The following ETV6 variants were observed in gnomAD, a reference collection of about 807,000 sequenced individuals.
ETV6 encodes the protein ETS variant transcription factor 6.
ETV6 carries 16 observed loss-of-function variants against 51.1 expected under a neutral mutation model. The observed-to-expected ratio is 0.31, with a 90% CI of 0.21 to 0.48. The LOEUF is 0.48. ETV6 is among the 20% of genes least tolerant of loss of function. ETV6 has a pLI of 0.99. For synonymous variants in ETV6, 240 were observed against 224.1 expected (o/e 1.07, Z -0.64); for missense variants, 458 against 594.8 (o/e 0.77, Z 2.39).
chr12:11,884,380 T>A (rs1947155244), intron 5 of ETV6, 65 bp from the exon 6 acceptor site: 1 of 1,564,428 alleles, frequency 6.4e-7, no homozygotes, highest in Non-Finnish European at 8.8e-7. Context: ...CTTTTTTGAT[T>A]CTTCTGGTTA....
chr12:11,661,423 C>T (rs1864098701), intron 1 of ETV6, among the ~76,000 whole-genome samples: 1 of 152,244 alleles, frequency 6.6e-6, no homozygotes, highest in Non-Finnish European at 1.5e-5. Flanking sequence ...CCACTAATGG[C>T]CAGCAATGGC....
At chr12:11,778,199 T>G (rs1472694402) in intron 2 of ETV6, among the ~76,000 whole-genome samples, 1 of 152,208 alleles carries the variant, frequency 6.6e-6, no homozygotes, top group Non-Finnish European at 1.5e-5. Flanking sequence ...ATGCAGTTAT[T>G]GTGAGGTTAC....
chr12:11,850,049 C>T lies in ETV6; in HGVS notation c.329-3378C>T, dbSNP rs576569657. The stretch of plus-strand genomic sequence containing the variant: ...CCTGGGTCTTAGAACTAAGTTTTTT[C>T]GTGACCCAGTACCCAGGACCTCGGG... On this transcript the variant is annotated intron_variant, in intron 3 of 7. Transcript: ENST00000396373. 7.2e-5 allele frequency among the ~76,000 whole-genome samples: 11 copies of T among 152,266 alleles called. No homozygotes were observed. In the East Asian group the frequency reaches 2.1e-3, roughly 29 times the overall value.
intron 2 of ETV6, among the ~76,000 whole-genome samples, chr12:11,761,843 A>ATT (rs1234653164): frequency 6.6e-6 from 1 of 152,234 alleles, no homozygotes; most frequent in East Asian, 1.9e-4. Flanking sequence ...CAATCGTCGC[A>ATT]TTGTTCTCTT....
chr12:11,862,456 C>G (rs1005269179), intron 4 of ETV6, among the ~76,000 whole-genome samples: 1 of 152,192 alleles, frequency 6.6e-6, no homozygotes, highest in South Asian at 2.1e-4. Context: ...TTTATTATCT[C>G]ACTTTTCTGG....
rs953974788 is a variant in ETV6, at chr12:11,667,859, G to A, written c.33+17699G>A. ...TGGGATTACAGGTGCACGCTGCCAC[G>A]CCCAGCTAAATTTTGTATTTTTAGC... On this transcript the variant is annotated intron_variant, in intron 1 of 7. Coordinates refer to ENST00000396373, the MANE Select transcript of ETV6 (RefSeq NM_001987.5). Among the ~76,000 whole-genome samples the A allele has an allele frequency of 4.6e-5, 7 of 151,608 alleles. No individual in the cohort carries two copies. The South Asian group carries it at 6.3e-4, about 14-fold the overall frequency.
chr12:11,716,148 C>T (rs955226388), intron 1 of ETV6, among the ~76,000 whole-genome samples: 4 of 151,652 alleles, frequency 2.6e-5, no homozygotes, highest in African/African-American at 9.7e-5. Context: ...ATCACGAGGT[C>T]GGGAGATCAA....
At position 11,786,136 on chromosome 12, in the gene ETV6, A is replaced by G. The variant is rs551549302; in HGVS notation, c.163+33557A>G. On this transcript the variant is annotated intron_variant, in intron 2 of 7. Coordinates refer to ENST00000396373, the MANE Select transcript of ETV6 (RefSeq NM_001987.5). ...TTTTTAAAATATTCCTTCATTTTCA[A>G]TACTCTTGGGATTATTCCAGGCCTT... Among the ~76,000 whole-genome samples the G allele has an allele frequency of 1.3e-4, 20 of 152,206 alleles. No individual in the cohort carries two copies. In the East Asian group the frequency reaches 1.4e-3, roughly 10 times the overall value.
At chr12:11,888,064 T>C (rs1031357218) in intron 7 of ETV6, among the ~76,000 whole-genome samples, 2 of 152,204 alleles carry the variant, frequency 1.3e-5, no homozygotes, top group African/African-American at 4.8e-5. Context: ...AAGGCTTCCC[T>C]GGCAGTGGAA....
chr12:11,837,229 C>A (rs12300177), intron 2 of ETV6, among the ~76,000 whole-genome samples: 1 of 152,014 alleles, frequency 6.6e-6, no homozygotes, highest in Non-Finnish European at 1.5e-5. Flanking sequence ...GTATTTTATT[C>A]TAAAGATCAT....
At chr12:11,786,419 C>T (rs930671169) in intron 2 of ETV6, among the ~76,000 whole-genome samples, 4 of 151,614 alleles carry the variant, frequency 2.6e-5, no homozygotes, top group South Asian at 4.2e-4. Context: ...GGAAATAGGA[C>T]ATATAATTGA....
chr12:11,760,571 A>G (rs762557528), intron 2 of ETV6, among the ~76,000 whole-genome samples: 3 of 152,194 alleles, frequency 2.0e-5, no homozygotes, highest in Non-Finnish European at 2.9e-5. Flanking sequence ...ACCTAGGACA[A>G]GTTTTAGGGT....
chr12:11,812,408 C>T (rs974687926), intron 2 of ETV6, among the ~76,000 whole-genome samples: 1 of 152,168 alleles, frequency 6.6e-6, no homozygotes, highest in African/African-American at 2.4e-5. Flanking sequence ...AGGAACCCCC[C>T]ACAAATTATA....
chr12:11,748,507 G>C (rs1046712366), intron 1 of ETV6, among the ~76,000 whole-genome samples: 6 of 152,138 alleles, frequency 3.9e-5, no homozygotes, highest in African/African-American at 1.2e-4. Flanking sequence ...CAACCCCTCA[G>C]CCTTTTCAGA....
chr12:11,862,583 C>T (rs1450702047), intron 4 of ETV6, among the ~76,000 whole-genome samples: 1 of 152,210 alleles, frequency 6.6e-6, no homozygotes, highest in Non-Finnish European at 1.5e-5. Context: ...CAAGCTTTGG[C>T]ATTCCTTGCC....
At chr12:11,858,778 T>C (rs1946668863) in intron 4 of ETV6, among the ~76,000 whole-genome samples, 1 of 152,180 alleles carries the variant, frequency 6.6e-6, no homozygotes, top group Non-Finnish European at 1.5e-5. Flanking sequence ...AGGTGGCAGT[T>C]CTGCTCTGGG....
At chr12:11,832,825 T>C (rs1445892377) in intron 2 of ETV6, among the ~76,000 whole-genome samples, 1 of 152,252 alleles carries the variant, frequency 6.6e-6, no homozygotes, top group East Asian at 1.9e-4. Context: ...TGAACAACTC[T>C]TCCCAAAAGG....
chr12:11,696,111 G>C (rs554790756), intron 1 of ETV6, among the ~76,000 whole-genome samples: 17 of 152,264 alleles, frequency 1.1e-4, no homozygotes, highest in African/African-American at 3.9e-4. Flanking sequence ...ATTAACACGT[G>C]CAGCACACAT....
intron 1 of ETV6, among the ~76,000 whole-genome samples, chr12:11,689,902 C>A (rs2120787369): frequency 6.7e-6 from 1 of 149,724 alleles, no homozygotes; most frequent in African/African-American, 2.5e-5. Flanking sequence ...GGGAGAGCTT[C>A]ATCTGCTTAG....
Sources: allele counts gnomAD v4.1 joint callset (sites outside exome capture counted in the v4.1 genomes callset), GRCh38; gene constraint gnomAD v4.1.1; transcripts MANE v1.5; gene names NCBI Gene and HGNC (gene_info 2026-07-23, HGNC 2026-07-21).